Variants in CHL1 observed in about 807,000 individuals in gnomAD.
The protein encoded by CHL1 is cell adhesion molecule L1 like.
A neutral mutation model predicts 141.9 loss-of-function variants in CHL1; 96 were observed. The observed-to-expected ratio is 0.68, with a 90% CI of 0.57 to 0.80. The LOEUF (loss-of-function observed/expected upper bound fraction) is 0.80. Ranked by LOEUF, CHL1 falls within the 30% of genes least tolerant of loss-of-function variation. CHL1 has a pLI of 0.00. For missense variants in CHL1, 1,820 were observed against 1,457.2 expected (o/e 1.25, Z -4.05); for synonymous variants, 613 against 502.2 (o/e 1.22, Z -2.95).
chr3:333,601 C>T (rs746635071), intron 5 of CHL1, among the ~76,000 whole-genome samples: 22 of 152,128 alleles, frequency 1.4e-4, no homozygotes, highest in Non-Finnish European at 2.1e-4. Flanking sequence ...AGACATGGCA[C>T]AGGGATTTTG....
At chr3:230,071 T>G (rs1037656836) in intron 1 of CHL1, among the ~76,000 whole-genome samples, 2 of 152,202 alleles carry the variant, frequency 1.3e-5, no homozygotes, top group Non-Finnish European at 2.9e-5. Flanking sequence ...AAATGTGTCC[T>G]GAGTGACAAA....
At chr3:258,572 T>C (rs181840759) in intron 2 of CHL1, among the ~76,000 whole-genome samples, 6 of 152,362 alleles carry the variant, frequency 3.9e-5, no homozygotes, top group Admixed American at 6.5e-5. Context: ...CATGTCTTAC[T>C]TGAGCCATTT....
At chr3:242,355 G>T (rs1239795357) in intron 1 of CHL1, among the ~76,000 whole-genome samples, 3 of 147,838 alleles carry the variant, frequency 2.0e-5, no homozygotes, top group East Asian at 2.0e-4. Context: ...CCAGCACTTT[G>T]GGAGGCTGAG....
chr3:293,913 C>T (rs1185102714), intron 2 of CHL1, among the ~76,000 whole-genome samples: 16 of 151,796 alleles, frequency 1.1e-4, no homozygotes, highest in Admixed American at 1.0e-3. Context: ...AGGCAGTTGC[C>T]ACCACACCCA....
At chr3:293,036 C>G (rs1044345905) in intron 2 of CHL1, among the ~76,000 whole-genome samples, 3 of 152,220 alleles carry the variant, frequency 2.0e-5, no homozygotes, top group Non-Finnish European at 4.4e-5. Flanking sequence ...TACCCAGTAA[C>G]TCATGATTTT....
chr3:265,760 T>C (rs565793044), intron 2 of CHL1, among the ~76,000 whole-genome samples: 200 of 152,246 alleles, frequency 1.3e-3, no homozygotes, highest in African/African-American at 4.6e-3. Flanking sequence ...AATTTCAAGG[T>C]TTTTAAAACT....
intron 2 of CHL1, among the ~76,000 whole-genome samples, chr3:259,596 A>T (rs1694514368): frequency 2.6e-5 from 4 of 151,940 alleles, no homozygotes; most frequent in African/African-American, 9.7e-5. Flanking sequence ...CTCATCCACC[A>T]TTCCTTGCTA....
chr3:354,841 G>A (rs1185307564), intron 11 of CHL1, 70 bp downstream of exon 11: 41 of 1,566,972 alleles, frequency 2.6e-5, no homozygotes, highest in Admixed American at 5.4e-5. Context: ...ATGGTCAGAC[G>A]TGTGTAAAAT....
chr3:327,047 A>G (rs1045233910), intron 4 of CHL1, among the ~76,000 whole-genome samples: 1 of 151,946 alleles, frequency 6.6e-6, no homozygotes, highest in East Asian at 1.9e-4. Context: ...ATCATGATAT[A>G]TTAATATTAA....
intron 3 of CHL1, among the ~76,000 whole-genome samples, chr3:324,605 CTTTATTTATTTATTTATTTATTTA>C (rs60745240): frequency 3.4e-5 from 5 of 146,020 alleles, no homozygotes; most frequent in African/African-American, 1.0e-4. Context: ...TCACTTCCTA[CTTTATTTATTTATTTATTTATTTA>C]TTTATTTATT....
chr3:359,860 G>A (rs1163550377), intron 11 of CHL1, among the ~76,000 whole-genome samples: 1 of 152,168 alleles, frequency 6.6e-6, no homozygotes, highest in African/African-American at 2.4e-5. Flanking sequence ...CGTCAAGGGG[G>A]AAAATAGCAG....
chr3:378,034 G>GCC, intron 16 of CHL1, 92 bp downstream of exon 16: 4 of 1,130,094 alleles, frequency 3.5e-6, no homozygotes, highest in Non-Finnish European at 4.8e-6. Context: ...GATTCTTTGA[G>GCC]CCCCTGCACA....
At position 363,399 on chromosome 3, in the gene CHL1, T is replaced by G; in HGVS notation, c.1585+16T>G. On this transcript the variant is annotated intron_variant, in intron 14 of 27. Coordinates refer to ENST00000256509, the MANE Select transcript of CHL1 (RefSeq NM_006614.4). ...GATATTAGAAGTATTTTTATTTCACTGTTACTTTGCATGAATTGTCACATG... is the reference window on the plus strand; with the variant it reads ...GATATTAGAAGTATTTTTATTTCACGGTTACTTTGCATGAATTGTCACATG... 3.1e-6 allele frequency: 5 copies of G among 1,602,108 alleles called. No individual in the cohort carries two copies. Among genetic ancestry groups the G allele is most frequent in the Non-Finnish European group, 4.3e-6 (5 of 1,173,168 alleles).
chr3:333,174 A>G (rs1701599355), intron 5 of CHL1, among the ~76,000 whole-genome samples: 1 of 139,416 alleles, frequency 7.2e-6, no homozygotes, highest in African/African-American at 2.6e-5. Flanking sequence ...AGCAAAATAA[A>G]TTAGGTTTCT....
chr3:343,198 C>G lies in CHL1; in HGVS notation c.727+167C>G, dbSNP rs574865972. On this transcript the variant is annotated intron_variant, in intron 8 of 27. Transcript: ENST00000256509. ...CCCCCCATGCCCTCTTAAATATATG[C>G]AAAGGGAGTGATTTTTATAAATATA... Among the ~76,000 whole-genome samples, 12 of 152,068 alleles carry G rather than the reference C, an allele frequency of 7.9e-5. No homozygotes were observed. The South Asian group carries it at 2.5e-3, about 32-fold the overall frequency.
chr3:383,498 T>TAAA (rs202235703), intron 18 of CHL1, among the ~76,000 whole-genome samples: 166 of 152,236 alleles, frequency 1.1e-3, no homozygotes, highest in African/African-American at 3.6e-3. Flanking sequence ...AAATTTTTTT[T>TAAA]TAAAAAAGCA....
intron 15 of CHL1, among the ~76,000 whole-genome samples, chr3:377,440 C>T (rs1706471820): frequency 2.0e-5 from 3 of 152,102 alleles, no homozygotes; most frequent in Admixed American, 2.0e-4. Flanking sequence ...GGAAGCACTC[C>T]AATCGAGCCT....
At chr3:315,291 A>T (rs1700077131) in intron 2 of CHL1, among the ~76,000 whole-genome samples, 1 of 152,154 alleles carries the variant, frequency 6.6e-6, no homozygotes, top group Non-Finnish European at 1.5e-5. Flanking sequence ...ACAGCCATCT[A>T]GCAATGGTGG....
intron 11 of CHL1, among the ~76,000 whole-genome samples, chr3:359,658 G>A (rs1049018693): frequency 1.3e-5 from 2 of 152,174 alleles, no homozygotes; most frequent in Non-Finnish European, 2.9e-5. Flanking sequence ...CTTGGATCAG[G>A]AGTGGGGAAG....
Sources: allele counts gnomAD v4.1 joint callset (sites outside exome capture counted in the v4.1 genomes callset), GRCh38; gene constraint gnomAD v4.1.1; transcripts MANE v1.5; gene names NCBI Gene and HGNC (gene_info 2026-07-23, HGNC 2026-07-21).